Variants in MROH1 observed in about 807,000 individuals in gnomAD.
The protein encoded by MROH1 is maestro heat-like repeat-containing protein family member 1.
A neutral mutation model predicts 116.5 loss-of-function variants in MROH1; 117 were observed. The ratio of observed to expected loss-of-function variants is 1.00; its 90% confidence interval spans 0.86 to 1.17. The LOEUF (loss-of-function observed/expected upper bound fraction) is 1.17. MROH1 is among the 50% of genes most tolerant of loss of function. The pLI is 0.00. For missense variants in MROH1, 1,873 were observed against 1,338.5 expected (o/e 1.40, Z -6.23); for synonymous variants, 921 against 583.9 (o/e 1.58, Z -8.32).
chr8:144,238,471 C>A (rs1840417394), intron 14 of MROH1, among the ~76,000 whole-genome samples: 1 of 152,212 alleles, frequency 6.6e-6, no homozygotes, highest in South Asian at 2.1e-4. Flanking sequence ...TATCCTGTTC[C>A]TCCCCTGCAG....
rs1463175123 is a variant in MROH1, at chr8:144,220,681, A to G, written c.1215+8A>G. 1.9e-6 allele frequency: 3 copies of G among 1,566,278 alleles called. No homozygotes were observed. Among genetic ancestry groups the G allele is most frequent in the Admixed American group, 1.9e-5 (1 of 52,758 alleles). On this transcript the variant is annotated splice_region_variant and intron_variant, in intron 13 of 43. Transcript: ENST00000326134. ...CTGGACACCAACAGCAAGGTAAACCACATGGGCCAGCCCAGGCTGCACCAC... is the reference window on the plus strand; with the variant it reads ...CTGGACACCAACAGCAAGGTAAACCGCATGGGCCAGCCCAGGCTGCACCAC...
chr8:144,197,417 CTTTTTTTTTTTTTTTTTTTTT>C (rs79749774), intron 10 of MROH1, among the ~76,000 whole-genome samples: 3 of 42,458 alleles, frequency 7.1e-5, no homozygotes, highest in South Asian at 1.3e-3. Context: ...GCTGCAGCAT[CTTTTTTTTTTTTTTTTTTTTT>C]TTTTTTTTTT....
At chr8:144,185,375 C>T (rs1204109145) in intron 7 of MROH1, among the ~76,000 whole-genome samples, 1 of 151,836 alleles carries the variant, frequency 6.6e-6, no homozygotes, top group African/African-American at 2.4e-5. Context: ...AAGCAGTTGG[C>T]AAAACGTTAT....
Position 144,230,826 on chromosome 8 carries a change from T to TA in MROH1, c.1338+7598dup, listed in dbSNP as rs1169144056. Among the ~76,000 whole-genome samples, 5 of 141,600 alleles carry TA rather than the reference T, an allele frequency of 3.5e-5. 1 individual carries two copies. The highest frequency in any genetic ancestry group is 1.3e-4 in the African/African-American group (5 of 37,184). The allele number at this position is 141,600 out of a possible 152,430, so 92.9% of individuals were successfully genotyped here. A position where few individuals can be genotyped will look rare whatever the true frequency, so the allele number is the denominator to read the frequency against. On this transcript the variant is annotated intron_variant, in intron 14 of 43. Coordinates refer to ENST00000326134, the MANE Select transcript of MROH1 (RefSeq NM_032450.3). ...TCTTTTTTTTTTTTTTTTTTTTTTT[T>TA]AATTGATCATTCTTGGGTGTTTCTC...
At chr8:144,169,535 T>A (rs1174270300) in intron 4 of MROH1, among the ~76,000 whole-genome samples, 4 of 151,336 alleles carry the variant, frequency 2.6e-5, no homozygotes, top group Admixed American at 1.3e-4. Flanking sequence ...CACTGCAACG[T>A]CCACCTCCCG....
chr8:144,196,384 T>G (rs1180813068), intron 10 of MROH1, among the ~76,000 whole-genome samples: 1 of 151,874 alleles, frequency 6.6e-6, no homozygotes, highest in Non-Finnish European at 1.5e-5. Context: ...AGACAGAGTC[T>G]TTCACTCTGT....
chr8:144,150,986 G>A (rs922824465), intron 1 of MROH1, among the ~76,000 whole-genome samples: 3 of 152,140 alleles, frequency 2.0e-5, no homozygotes, highest in African/African-American at 4.8e-5. Flanking sequence ...GATGGCTCAC[G>A]CCTGTAATCC....
intron 15 of MROH1, 46 bp from the exon 16 acceptor site, chr8:144,238,989 G>T: frequency 1.3e-6 from 1 of 774,078 alleles, no homozygotes; most frequent in East Asian, 2.4e-5. Context: ...TGTCTGCATG[G>T]GACCGCCCTC....
intron 35 of MROH1, among the ~76,000 whole-genome samples, chr8:144,256,989 CCCTGGCTCAGACCAT>C (rs1588539134): frequency 3.7e-4 from 56 of 152,326 alleles, no homozygotes; most frequent in East Asian, 1.9e-3. Flanking sequence ...GACCATGAGG[CCCTGGCTCAGACCAT>C]GAGGCCCAGC....
chr8:144,261,009 G>T lies in MROH1; in HGVS notation c.4639G>T (p.Gly1547Trp). ...HLQEGRALHFGEFLNTTCKHL... is the reference protein window; with the variant it reads ...HLQEGRALHFWEFLNTTCKHL... ...GCAGGAGGGCCGAGCCCTGCACTTCGGGGAGTTCCTCAACACCACCTGCAA... is the reference window on the plus strand; with the variant it reads ...GCAGGAGGGCCGAGCCCTGCACTTCTGGGAGTTCCTCAACACCACCTGCAA... Residue 1547 changes from glycine to tryptophan, a missense_variant, in exon 41 of 44, where the codon GGG (glycine) becomes TGG (tryptophan). Gly to Trp is a radical substitution (Grantham distance 184, BLOSUM62 -2). Transcript: ENST00000326134. 2.2e-5 allele frequency: 17 copies of T among 776,590 alleles called. No homozygotes were observed. Among genetic ancestry groups the T allele is most frequent in the South Asian group, 2.0e-4 (15 of 74,432 alleles). The allele number at this position is 776,590 out of a possible 1,614,324, so 48.1% of individuals were successfully genotyped here.
At chr8:144,243,993 A>ATGTGTGTGCAT (rs1179372923) in intron 26 of MROH1, 51 bp downstream of exon 26, 1 of 763,972 alleles carries the variant, frequency 1.3e-6, no homozygotes, top group Admixed American at 1.8e-5. Context: ...GTGTGCGTGC[A>ATGTGTGTGCAT]TGTGTGTGCA....
At chr8:144,214,378 G>A (rs568027540) in intron 12 of MROH1, 2 of 152,334 alleles carry the variant, frequency 1.3e-5, no homozygotes, top group Middle Eastern at 6.8e-3. Context: ...AGTTGTCTTT[G>A]TGTCTTTTCC....
At chr8:144,233,802 T>C (rs907065167) in intron 14 of MROH1, among the ~76,000 whole-genome samples, 4 of 152,220 alleles carry the variant, frequency 2.6e-5, no homozygotes, top group East Asian at 1.9e-4. Context: ...CTGTGAACAT[T>C]GTTGCTTTGT....
intron 11 of MROH1, among the ~76,000 whole-genome samples, chr8:144,200,101 G>A (rs1382058034): frequency 1.3e-5 from 2 of 152,196 alleles, no homozygotes; most frequent in Non-Finnish European, 2.9e-5. Context: ...AGAGCCAAGA[G>A]AGTCAAGAGG....
At chr8:144,203,461 G>GGTCCT (rs1832122488) in intron 12 of MROH1, among the ~76,000 whole-genome samples, 1 of 150,884 alleles carries the variant, frequency 6.6e-6, no homozygotes, top group Non-Finnish European at 1.5e-5. Context: ...CCCTCTGGAG[G>GGTCCT]GGAAGGGAGG....
intron 33 of MROH1, chr8:144,250,862 AG>A (rs1363089847): frequency 7.9e-6 from 2 of 253,350 alleles, no homozygotes; most frequent in Admixed American, 5.1e-5. Context: ...TGTCTTCCCA[AG>A]CTCACACCTC....
At chr8:144,242,881 G>A (rs1224600274) in intron 24 of MROH1, among the ~76,000 whole-genome samples, 4 of 152,048 alleles carry the variant, frequency 2.6e-5, no homozygotes, top group Non-Finnish European at 5.9e-5. Flanking sequence ...CCCCCAGGGA[G>A]TTCAGCCAGC....
At chr8:144,187,814 C>T (rs1319995156) in intron 7 of MROH1, among the ~76,000 whole-genome samples, 1 of 152,184 alleles carries the variant, frequency 6.6e-6, no homozygotes, top group East Asian at 1.9e-4. Flanking sequence ...GGTGGCGCTT[C>T]TCAGGGCCTT....
At chr8:144,206,447 A>T in intron 12 of MROH1, among the ~76,000 whole-genome samples, 2 of 144,524 alleles carry the variant, frequency 1.4e-5, no homozygotes, top group African/African-American at 2.6e-5. Flanking sequence ...TTTGAGACAT[A>T]GTTTCGCTCT....
Sources: gnomAD v4.1 joint callset for allele counts (sites outside exome capture counted in the v4.1 genomes callset) on GRCh38, gnomAD v4.1.1 for gene constraint, MANE v1.5 for transcripts, NCBI Gene and HGNC (gene_info 2026-07-23, HGNC 2026-07-21) for gene names.